The following DPYD variants were observed in gnomAD, a reference collection of about 807,000 sequenced individuals.
DPYD encodes dihydropyrimidine dehydrogenase.
Under a neutral mutation model 116.2 loss-of-function variants are expected in DPYD, and 109 were observed. That is an observed-to-expected ratio of 0.94 (90% CI 0.80 to 1.10). The LOEUF (loss-of-function observed/expected upper bound fraction) is 1.10. DPYD is among the 50% of genes least tolerant of loss of function. DPYD has a pLI of 0.00. For missense variants in DPYD, 1,302 were observed against 1,254.5 expected (o/e 1.04, Z -0.57); for synonymous variants, 440 against 432.0 (o/e 1.02, Z -0.23).
intron 18 of DPYD, among the ~76,000 whole-genome samples, chr1:97,257,799 G>A (rs1278770546): frequency 6.6e-6 from 1 of 151,934 alleles, no homozygotes; most frequent in African/African-American, 2.4e-5. Flanking sequence ...GACATAAATA[G>A]GAGTTAGACA....
At chr1:97,240,852 T>C (rs1233261427) in intron 18 of DPYD, among the ~76,000 whole-genome samples, 2 of 152,024 alleles carry the variant, frequency 1.3e-5, no homozygotes, top group African/African-American at 4.8e-5. Flanking sequence ...GAAGTTAATA[T>C]ACTAATAAAT....
At chr1:97,214,825 C>T (rs987715275) in intron 19 of DPYD, among the ~76,000 whole-genome samples, 4 of 152,170 alleles carry the variant, frequency 2.6e-5, no homozygotes, top group Non-Finnish European at 5.9e-5. Context: ...TAATGCATTA[C>T]CTTGTATTCA....
At chr1:97,705,137 T>C (rs1246216084) in intron 5 of DPYD, among the ~76,000 whole-genome samples, 1 of 151,610 alleles carries the variant, frequency 6.6e-6, no homozygotes, top group Non-Finnish European at 1.5e-5. Context: ...AACTCTTTTT[T>C]TTTTTAAATT....
intron 8 of DPYD, among the ~76,000 whole-genome samples, chr1:97,601,847 T>C (rs1273667519): frequency 1.3e-5 from 2 of 151,994 alleles, no homozygotes; most frequent in African/African-American, 4.8e-5. Flanking sequence ...ATGGAGTGAT[T>C]CAATATAACA....
intron 13 of DPYD, among the ~76,000 whole-genome samples, chr1:97,471,925 C>G (rs1471578591): frequency 6.6e-6 from 1 of 152,112 alleles, no homozygotes; most frequent in Non-Finnish European, 1.5e-5. Flanking sequence ...TGAAGTAGTG[C>G]CTTCAGTTTT....
At chr1:97,848,221 C>T (rs1670400995) in intron 2 of DPYD, among the ~76,000 whole-genome samples, 2 of 152,150 alleles carry the variant, frequency 1.3e-5, no homozygotes, top group Non-Finnish European at 2.9e-5. Context: ...CCTCAGCCTC[C>T]CTAGTACCTC....
intron 16 of DPYD, among the ~76,000 whole-genome samples, chr1:97,336,739 A>C (rs890697340): frequency 2.6e-5 from 4 of 152,166 alleles, no homozygotes; most frequent in African/African-American, 9.7e-5. Context: ...GACAAGAGCA[A>C]AACTCCATCT....
intron 2 of DPYD, among the ~76,000 whole-genome samples, chr1:97,844,139 A>G (rs763352142): frequency 6.6e-6 from 1 of 152,226 alleles, no homozygotes; most frequent in Non-Finnish European, 1.5e-5. Flanking sequence ...AATAAGGTAC[A>G]TAATGGTAGA....
chr1:97,589,596 A>G (rs1654370630), intron 10 of DPYD, among the ~76,000 whole-genome samples: 1 of 152,230 alleles, frequency 6.6e-6, no homozygotes, highest in African/African-American at 2.4e-5. Context: ...TCTTCACAGC[A>G]GTATGAAAAT....
At chr1:97,688,393 A>G (rs1660846053) in intron 7 of DPYD, among the ~76,000 whole-genome samples, 1 of 152,070 alleles carries the variant, frequency 6.6e-6, no homozygotes. Context: ...AAATTCAAAA[A>G]CCTCAATGAA....
chr1:97,751,458 G>GTGTGTGTA (rs1664900742), intron 3 of DPYD, among the ~76,000 whole-genome samples: 3 of 22,058 alleles, frequency 1.4e-4, no homozygotes, highest in African/African-American at 2.7e-4. Context: ...GTGTGTGTGT[G>GTGTGTGTA]TGTATATATA....
chr1:97,514,258 C>T, intron 13 of DPYD: 3 of 984,458 alleles, frequency 3.0e-6, no homozygotes, highest in Non-Finnish European at 3.6e-6. Context: ...CAATGCATGT[C>T]ACCAACAGTG....
chr1:97,686,718 A>G (rs1009115869), intron 7 of DPYD, among the ~76,000 whole-genome samples: 1 of 151,430 alleles, frequency 6.6e-6, no homozygotes, highest in Non-Finnish European at 1.5e-5. Flanking sequence ...TCTAGGAAAT[A>G]CCATTCAGGA....
At chr1:97,245,784 T>A (rs1662679815) in intron 18 of DPYD, among the ~76,000 whole-genome samples, 1 of 152,140 alleles carries the variant, frequency 6.6e-6, no homozygotes, top group African/African-American at 2.4e-5. Flanking sequence ...AATCACAATT[T>A]CTTTTCTCTC....
chr1:97,638,666 T>C (rs1010347561), intron 8 of DPYD, among the ~76,000 whole-genome samples: 12 of 152,146 alleles, frequency 7.9e-5, no homozygotes, highest in African/African-American at 2.9e-4. Flanking sequence ...TCATATCTGT[T>C]TGGCTTCTAG....
chr1:97,774,063 C>T (rs1035380667), intron 3 of DPYD, among the ~76,000 whole-genome samples: 4 of 152,176 alleles, frequency 2.6e-5, no homozygotes, highest in African/African-American at 4.8e-5. Context: ...TAGATGCTGC[C>T]GTGGGGTCCA....
intron 10 of DPYD, among the ~76,000 whole-genome samples, chr1:97,583,601 G>A (rs971825267): frequency 4.7e-5 from 7 of 147,388 alleles, no homozygotes; most frequent in Admixed American, 6.7e-5. Flanking sequence ...TCGGATTCTA[G>A]TAATTTTTAT....
At chr1:97,699,950 T>G (rs921974731) in intron 5 of DPYD, among the ~76,000 whole-genome samples, 2 of 152,070 alleles carry the variant, frequency 1.3e-5, no homozygotes, top group African/African-American at 4.8e-5. Context: ...CACATTACCC[T>G]TGCATTATAG....
At chr1:97,278,736 C>A (rs545306814) in intron 18 of DPYD, among the ~76,000 whole-genome samples, 1 of 152,256 alleles carries the variant, frequency 6.6e-6, no homozygotes, top group South Asian at 2.1e-4. Flanking sequence ...AGTAATGATG[C>A]AAAGGGCTAG....
Sources: allele counts gnomAD v4.1 joint callset (sites outside exome capture counted in the v4.1 genomes callset), GRCh38; gene constraint gnomAD v4.1.1; transcripts MANE v1.5; gene names NCBI Gene and HGNC (gene_info 2026-07-23, HGNC 2026-07-21).